MAN1C1: variants seen among roughly 807,000 people sequenced by gnomAD.
MAN1C1 encodes the protein mannosidase alpha class 1C member 1, also known as mannosyl-oligosaccharide 1,2-alpha-mannosidase IC.
In MAN1C1, 49 loss-of-function variants were observed where a neutral mutation model predicts 71.5. The ratio of observed to expected loss-of-function variants is 0.69; its 90% CI spans 0.54 to 0.87. MAN1C1 has a LOEUF of 0.87. MAN1C1 is among the 40% of genes least tolerant of loss of function. MAN1C1 has a pLI of 0.00. For synonymous variants in MAN1C1, 352 were observed against 343.7 expected, an observed-to-expected ratio of 1.02 and a Z score of -0.27; for missense variants, 743 against 835.0, an observed-to-expected ratio of 0.89 and a Z score of 1.36.
At chr1:25,661,355 A>G (rs1036151993) in intron 1 of MAN1C1, among the ~76,000 whole-genome samples, 4 of 152,262 alleles carry the variant, frequency 2.6e-5, no homozygotes, top group Non-Finnish European at 5.9e-5. Flanking sequence ...GGACACAGCA[A>G]TGAACAAGAC....
chr1:25,770,338 T>C (rs1040878312), intron 7 of MAN1C1, among the ~76,000 whole-genome samples: 1 of 152,258 alleles, frequency 6.6e-6, no homozygotes, highest in Non-Finnish European at 1.5e-5. Flanking sequence ...GGATCAGGGC[T>C]GGAGGGGGCC....
intron 1 of MAN1C1, among the ~76,000 whole-genome samples, chr1:25,676,858 C>T (rs1281257319): frequency 6.6e-6 from 1 of 152,122 alleles, no homozygotes; most frequent in Non-Finnish European, 1.5e-5. Context: ...ATGCTCACCC[C>T]CTTCCTTCCA....
At position 25,712,677 on chromosome 1, in the gene MAN1C1, C is replaced by T. The variant is rs549212873; in HGVS notation, c.637+26141C>T. On this transcript the variant is annotated intron_variant, in intron 2 of 11. Coordinates refer to ENST00000374332, the MANE Select transcript of MAN1C1 (RefSeq NM_020379.4). ...GCCATTCAAACCGCCTTTCACTTCT[C>T]GAATAGGAAAACCTACTCTCTCCCT... Among the ~76,000 whole-genome samples the T allele has an allele frequency of 1.1e-4, 17 of 152,284 alleles. No individual in the cohort carries two copies. In the South Asian group the frequency reaches 3.1e-3, roughly 28 times the overall value.
At chr1:25,620,078 A>G (rs61270057) in intron 1 of MAN1C1, among the ~76,000 whole-genome samples, 2 of 152,326 alleles carry the variant, frequency 1.3e-5, no homozygotes, top group East Asian at 3.9e-4. Context: ...AGGGCTGGCT[A>G]GTAGGGAACT....
chr1:25,778,376 G>A lies in MAN1C1; in HGVS notation c.1477+52G>A, dbSNP rs540017436. 5.9e-5 allele frequency: 90 copies of A among 1,529,906 alleles called. No individual in the cohort carries two copies. The Admixed American group carries it at 6.4e-4, about 11-fold the overall frequency. The allele number at this position is 1,529,906 out of a possible 1,614,324, so 94.8% of individuals were successfully genotyped here. ...AGGAGAGACTGAGGCTAGACACCAG[G>A]AAGAACTGGAAAGACCGGCAGCAGT... On this transcript the variant is annotated intron_variant, in intron 9 of 11. Transcript: ENST00000374332. The surrounding 1 kb of genome is among the most constrained non-coding windows in gnomAD (Gnocchi z 5.5).
At chr1:25,687,787 A>C (rs1056099112) in intron 2 of MAN1C1, among the ~76,000 whole-genome samples, 1 of 151,976 alleles carries the variant, frequency 6.6e-6, no homozygotes, top group Admixed American at 6.5e-5. Flanking sequence ...TCATTATCCT[A>C]GGAGTGTATG....
chr1:25,675,592 G>A (rs368637081), intron 1 of MAN1C1, among the ~76,000 whole-genome samples: 5 of 143,986 alleles, frequency 3.5e-5, no homozygotes, highest in South Asian at 2.4e-4. Context: ...TGCGGGGGGG[G>A]GGGGAGGTGG....
intron 2 of MAN1C1, among the ~76,000 whole-genome samples, chr1:25,693,632 G>GA (rs1272224829): frequency 6.6e-6 from 1 of 152,040 alleles, no homozygotes; most frequent in Non-Finnish European, 1.5e-5. Context: ...CTCCATCTCG[G>GA]AAAAAAAGAG....
intron 3 of MAN1C1, among the ~76,000 whole-genome samples, chr1:25,747,889 T>C (rs114959560): frequency 0.019 from 2,950 of 152,212 alleles, 38 homozygotes; most frequent in Non-Finnish European, 0.025. Context: ...GTAACCGCAT[T>C]TTATAACACT....
At chr1:25,686,644 C>A (rs550920812) in intron 2 of MAN1C1, 108 bp downstream of exon 2, 17 of 874,362 alleles carry the variant, frequency 1.9e-5, no homozygotes, top group Admixed American at 6.0e-5. Context: ...GGGGGCTCCA[C>A]AGTTCTCCAG....
At position 25,730,466 on chromosome 1, in the gene MAN1C1, A is replaced by G. The variant is rs145439634; in HGVS notation, c.638-16202A>G. Among the ~76,000 whole-genome samples, 1,268 of 151,748 alleles carry G rather than the reference A, an allele frequency of 8.4e-3. 6 individuals carry two copies. Among genetic ancestry groups the G allele is most frequent in the South Asian group, 0.016 (78 of 4,814 alleles). ...ACCTTAGCTGAGAATGACAAATACT[A>G]GGGGCTTTAATTGTTCAGTCACATG... On this transcript the variant is annotated intron_variant, in intron 2 of 11. Transcript: ENST00000374332. The surrounding 1 kb of genome is among the most constrained non-coding windows in gnomAD (Gnocchi z 4.3).
At chr1:25,771,953 GCGAC>G (rs759065583) in intron 8 of MAN1C1, 181 bp downstream of exon 8, 23 of 594,932 alleles carry the variant, frequency 3.9e-5, no homozygotes, top group Non-Finnish European at 6.0e-5. Context: ...TTTACACCCT[GCGAC>G]CCTCCCACAT....
chr1:25,695,498 A>T (rs537872133), intron 2 of MAN1C1, among the ~76,000 whole-genome samples: 1 of 152,170 alleles, frequency 6.6e-6, no homozygotes, highest in East Asian at 1.9e-4. Flanking sequence ...TTCCTCGGCC[A>T]CCTTCTGATG....
rs2047554799 is a variant in MAN1C1 at position 25,771,759 on chromosome 1, A to C, written c.1244A>C (p.Tyr415Ser). ...KTDMEAKNMYYEALEAIETYL... is the reference protein window; with the variant it reads ...KTDMEAKNMYSEALEAIETYL... ...GATATGGAGGCTAAAAATATGTACT[A>C]CGAAGCCTTGGAGGTAAGACAAGCC... The change falls in exon 8 of 12, where the codon TAC (tyrosine) becomes TCC (serine). Residue 415 changes from tyrosine to serine, a missense_variant. Transcript: ENST00000374332. 23 of 1,613,212 alleles carry C rather than the reference A, an allele frequency of 1.4e-5. No homozygotes were observed. The highest frequency in any genetic ancestry group is 2.0e-5 in the Non-Finnish European group (23 of 1,179,240).
Position 25,769,392 on chromosome 1 carries a change from C to CAT in MAN1C1, c.1142-2264_1142-2263insTA, listed in dbSNP as rs772388752. Reference sequence around the variant, plus strand: ...TCACCCCACACCCCATACATACATACACACACACACACACACAAGCTGTAA... The same window carrying CAT: ...TCACCCCACACCCCATACATACATACATACACACACACACACACAAGCTGTAA... On this transcript the variant is annotated intron_variant, in intron 7 of 11. Transcript: ENST00000374332. This position sits in a 1 kb window ranked among gnomAD's most constrained non-coding sequence, Gnocchi z 4.8. 1.4e-4 allele frequency among the ~76,000 whole-genome samples: 21 copies of CAT among 150,154 alleles called. No individual in the cohort carries two copies. Among genetic ancestry groups the CAT allele is most frequent in the South Asian group, 2.1e-4 (1 of 4,770 alleles).
chr1:25,697,399 T>A (rs2124206726), intron 2 of MAN1C1, among the ~76,000 whole-genome samples: 1 of 152,370 alleles, frequency 6.6e-6, no homozygotes, highest in African/African-American at 2.4e-5. Context: ...TGGAATTGCC[T>A]AGGAATATTC....
At chr1:25,654,804 G>A (rs759528858) in intron 1 of MAN1C1, among the ~76,000 whole-genome samples, 40 of 151,950 alleles carry the variant, frequency 2.6e-4, no homozygotes, top group Admixed American at 1.4e-3. Flanking sequence ...ACACCACCAC[G>A]CCTAGCTAAT....
chr1:25,726,027 A>G (rs1015924610), intron 2 of MAN1C1, among the ~76,000 whole-genome samples: 4 of 152,242 alleles, frequency 2.6e-5, no homozygotes, highest in Admixed American at 2.6e-4. Flanking sequence ...GCCATTGCAG[A>G]CCAGCTCCTT....
chr1:25,761,620 C>CTTTTTTTTTTTTTTT (rs71014385), intron 6 of MAN1C1: 2 of 95,820 alleles, frequency 2.1e-5, no homozygotes, highest in African/African-American at 8.7e-5. Context: ...ACCTCTACTT[C>CTTTTTTTTTTTTTTT]TTTTTTTTTT....
Sources: allele counts gnomAD v4.1 joint callset (sites outside exome capture counted in the v4.1 genomes callset), GRCh38; gene constraint gnomAD v4.1.1; non-coding constraint Gnocchi (gnomAD v3.1); transcripts MANE v1.5; gene names NCBI Gene and HGNC (gene_info 2026-07-23, HGNC 2026-07-21).